ALDH18A1: variants seen among roughly 807,000 people sequenced by gnomAD.
The protein encoded by ALDH18A1 is aldehyde dehydrogenase 18 family member A1, also known as delta-1-pyrroline-5-carboxylate synthase.
A neutral mutation model predicts 88.8 loss-of-function variants in ALDH18A1; 44 were observed. That is an observed-to-expected ratio of 0.50 (90% confidence interval 0.39 to 0.64). ALDH18A1 has a LOEUF of 0.64. Among genes scored for constraint, ALDH18A1 ranks in the 30% least tolerant of loss-of-function variants. The pLI is 0.00. For synonymous variants in ALDH18A1, 331 were observed against 372.1 expected (o/e 0.89, Z 1.27); for missense variants, 782 against 1,009.5 (o/e 0.77, Z 3.05).
At chr10:95,610,032 A>C (rs2097830658) in intron 17 of ALDH18A1, among the ~76,000 whole-genome samples, 165 bp downstream of exon 17, 1 of 152,020 alleles carries the variant, frequency 6.6e-6, no homozygotes, top group South Asian at 2.1e-4. Context: ...GGCCTCCCAA[A>C]GTGCTGGGAT....
At chr10:95,634,381 G>C (rs1173093252) in intron 5 of ALDH18A1, among the ~76,000 whole-genome samples, 4 of 152,290 alleles carry the variant, frequency 2.6e-5, no homozygotes, top group East Asian at 1.9e-4. Flanking sequence ...TGGGACTAAA[G>C]ATGCACACCG....
intron 12 of ALDH18A1, among the ~76,000 whole-genome samples, chr10:95,618,225 A>G (rs1249065466): frequency 6.6e-6 from 1 of 152,100 alleles, no homozygotes; most frequent in African/African-American, 2.4e-5. Flanking sequence ...CTCTCTAATG[A>G]CACCTTGTAT....
intron 15 of ALDH18A1, among the ~76,000 whole-genome samples, chr10:95,611,892 C>T (rs1320304617): frequency 6.6e-6 from 1 of 151,880 alleles, no homozygotes; most frequent in African/African-American, 2.4e-5. Flanking sequence ...ACTGCTTGAA[C>T]CTGGAAGGCA....
chr10:95,628,958 T>G (rs1372738571), intron 7 of ALDH18A1: 1 of 207,984 alleles, frequency 4.8e-6, no homozygotes, highest in Non-Finnish European at 9.8e-6. Context: ...ACAGTACCCT[T>G]TGAAACAGTC....
intron 13 of ALDH18A1, 73 bp downstream of exon 13, chr10:95,616,402 TAA>T: frequency 6.5e-7 from 1 of 1,541,314 alleles, no homozygotes; most frequent in South Asian, 1.2e-5. Flanking sequence ...CTGTGTGGCC[TAA>T]GTTTTGCTTT....
intron 2 of ALDH18A1, among the ~76,000 whole-genome samples, chr10:95,643,603 G>C (rs2097895923): frequency 6.6e-6 from 1 of 152,128 alleles, no homozygotes; most frequent in Non-Finnish European, 1.5e-5. Flanking sequence ...AAGGGAAAAA[G>C]ATTAACATTT....
At chr10:95,625,061 A>G (rs1589513813) in intron 11 of ALDH18A1, among the ~76,000 whole-genome samples, 1 of 152,172 alleles carries the variant, frequency 6.6e-6, no homozygotes, top group Non-Finnish European at 1.5e-5. Context: ...AATGTTAGCT[A>G]TTAGCTGAAT....
At chr10:95,650,045 C>T (rs905009942) in intron 2 of ALDH18A1, among the ~76,000 whole-genome samples, 2 of 151,630 alleles carry the variant, frequency 1.3e-5, no homozygotes, top group Admixed American at 6.6e-5. Flanking sequence ...TGGGTAACAA[C>T]AGAGCAAGAT....
At chr10:95,620,757 A>C (rs1163697977) in intron 12 of ALDH18A1, among the ~76,000 whole-genome samples, 1 of 101,660 alleles carries the variant, frequency 9.8e-6, no homozygotes, top group African/African-American at 3.9e-5. Flanking sequence ...ACTTGGACAC[A>C]GGGTGGGGAA....
At chr10:95,629,368 A>G (rs1398878131) in intron 7 of ALDH18A1, among the ~76,000 whole-genome samples, 3 of 152,188 alleles carry the variant, frequency 2.0e-5, no homozygotes, top group Non-Finnish European at 4.4e-5. Flanking sequence ...CCCCTCTATT[A>G]TTCCAAATCT....
rs1435545200 is a variant in ALDH18A1, at chr10:95,633,014, G to A, written c.753C>T (p.Ala251=). 1.2e-6 allele frequency: 2 copies of A among 1,614,146 alleles called. No individual in the cohort carries two copies. The highest frequency in any genetic ancestry group is 1.7e-6 in the Non-Finnish European group (2 of 1,180,010). ...ISVKDNDSLA[A]RLAVEMKTDL... is the part of the protein sequence containing the mutation. The stretch of plus-strand genomic sequence containing the variant: ...CAGTTTTCATTTCCACAGCCAGTCG[G>A]GCAGCCAGGCTATCATTATCTTTAA... The change falls in exon 7 of 18, where the codon GCC becomes GCT. Residue 251 remains alanine, a synonymous_variant. Transcript: ENST00000371224.
intron 2 of ALDH18A1, among the ~76,000 whole-genome samples, chr10:95,645,237 C>T (rs1251788419): frequency 6.6e-6 from 1 of 152,126 alleles, no homozygotes; most frequent in East Asian, 1.9e-4. Context: ...TTAAGCAATT[C>T]CCTGGAAAGA....
intron 2 of ALDH18A1, among the ~76,000 whole-genome samples, chr10:95,651,632 C>G (rs953620603): frequency 2.0e-4 from 30 of 152,008 alleles, no homozygotes; most frequent in African/African-American, 6.3e-4. Context: ...AGAGAGGGAA[C>G]AAGAAGAGAG....
chr10:95,644,486 A>G (rs953698710), intron 2 of ALDH18A1, among the ~76,000 whole-genome samples: 5 of 152,232 alleles, frequency 3.3e-5, no homozygotes, highest in African/African-American at 1.2e-4. Context: ...TAAAAGCCAA[A>G]TAGATACCTG....
At chr10:95,617,504 T>C (rs1032030748) in intron 12 of ALDH18A1, among the ~76,000 whole-genome samples, 1 of 152,208 alleles carries the variant, frequency 6.6e-6, no homozygotes, top group African/African-American at 2.4e-5. Context: ...TAGAGACTGC[T>C]GAGAACAGAG....
intron 12 of ALDH18A1, among the ~76,000 whole-genome samples, chr10:95,618,645 G>T (rs2097847616): frequency 6.6e-6 from 1 of 152,274 alleles, no homozygotes; most frequent in Admixed American, 6.5e-5. Flanking sequence ...ATTAACTACT[G>T]AAAGTTCTTT....
intron 2 of ALDH18A1, among the ~76,000 whole-genome samples, chr10:95,646,554 T>C (rs755942185): frequency 2.0e-5 from 3 of 152,234 alleles, no homozygotes; most frequent in South Asian, 2.1e-4. Context: ...GGGTTTCCTA[T>C]TGAACAACGC....
chr10:95,625,354 G>C lies in ALDH18A1; in HGVS notation c.1246+8C>G. 6.2e-7 allele frequency: 1 copy of C among 1,613,174 alleles called. No individual in the cohort carries two copies. The highest frequency in any genetic ancestry group is 1.1e-5 in the South Asian group (1 of 91,046). The stretch of plus-strand genomic sequence containing the variant: ...CACAACATTGACTTTAAATTGCCTG[G>C]TCTTTACCCTCTGCCTCCTCCAAGT... On this transcript the variant is annotated splice_region_variant and intron_variant, in intron 11 of 17. Coordinates refer to ENST00000371224, the MANE Select transcript of ALDH18A1 (RefSeq NM_002860.4).
chr10:95,631,470 C>T (rs925815068), intron 7 of ALDH18A1, among the ~76,000 whole-genome samples: 2 of 152,024 alleles, frequency 1.3e-5, no homozygotes, highest in East Asian at 1.9e-4. Flanking sequence ...ATAGGCCGGG[C>T]GCGGTGGCTC....
Sources: gnomAD v4.1 joint callset for allele counts (sites outside exome capture counted in the v4.1 genomes callset) on GRCh38, gnomAD v4.1.1 for gene constraint, MANE v1.5 for transcripts, NCBI Gene and HGNC (gene_info 2026-07-23, HGNC 2026-07-21) for gene names.